The following CEACAM8 variants were observed in gnomAD, a reference collection of about 807,000 sequenced individuals.
The protein encoded by CEACAM8 is cell adhesion molecule CEACAM8.
A neutral mutation model predicts 33.4 loss-of-function variants in CEACAM8; 31 were observed. The ratio of observed to expected loss-of-function variants is 0.93; its 90% confidence interval spans 0.70 to 1.25. The LOEUF (loss-of-function observed/expected upper bound fraction) is 1.25. Ranked by LOEUF, CEACAM8 falls within the 50% of genes most tolerant of loss-of-function variation. The probability of loss-of-function intolerance (pLI) is 0.00; values close to 1 mark genes in which losing one functional copy is unlikely to be tolerated. For missense variants in CEACAM8, 388 were observed against 434.6 expected (o/e 0.89, Z 0.95); for synonymous variants, 138 against 164.5 (o/e 0.84, Z 1.23).
chr19:42,591,730 G>A (rs1281621102), intron 2 of CEACAM8, among the ~76,000 whole-genome samples: 1 of 152,206 alleles, frequency 6.6e-6, no homozygotes, highest in East Asian at 1.9e-4. Flanking sequence ...ACAGATGTGT[G>A]TGGAACAGGC....
intron 2 of CEACAM8, among the ~76,000 whole-genome samples, chr19:42,591,508 C>A (rs1225045772): frequency 6.6e-6 from 1 of 152,196 alleles, no homozygotes; most frequent in Non-Finnish European, 1.5e-5. Context: ...AAGCTTCCTG[C>A]CCCTAATTCC....
At chr19:42,593,463 A>G in intron 2 of CEACAM8, 78 bp downstream of exon 2, 1 of 1,506,816 alleles carries the variant, frequency 6.6e-7, no homozygotes, top group South Asian at 1.3e-5. Context: ...GGACATGGGC[A>G]CAGCCCAGGC....
At chr19:42,581,688 G>A (rs941213078) in intron 5 of CEACAM8, among the ~76,000 whole-genome samples, 1 of 150,762 alleles carries the variant, frequency 6.6e-6, no homozygotes, top group Admixed American at 6.6e-5. Flanking sequence ...TCATGAGATC[G>A]AGACCAGCCT....
intron 4 of CEACAM8, among the ~76,000 whole-genome samples, chr19:42,588,550 C>T (rs368273022): frequency 2.6e-5 from 4 of 152,102 alleles, no homozygotes; most frequent in African/African-American, 4.8e-5. Context: ...CTGGGGCTGA[C>T]GAAGGCCCCT....
At chr19:42,589,135 CA>C in intron 3 of CEACAM8, 97 bp from the exon 4 acceptor site, 1 of 1,466,102 alleles carries the variant, frequency 6.8e-7, no homozygotes. Flanking sequence ...AGCCAAGTCA[CA>C]AACCTGAGCC....
chr19:42,593,508 C>G (rs770661147), intron 2 of CEACAM8, 33 bp downstream of exon 2: 20 of 1,538,538 alleles, frequency 1.3e-5, no homozygotes, highest in Non-Finnish European at 1.8e-5. Flanking sequence ...AGAACTGACC[C>G]CCAACACCCA....
intron 4 of CEACAM8, among the ~76,000 whole-genome samples, chr19:42,586,315 A>T (rs576116937): frequency 6.6e-6 from 1 of 152,324 alleles, no homozygotes. Context: ...TGAAAAAAAA[A>T]TGCTGAATCC....
intron 4 of CEACAM8, among the ~76,000 whole-genome samples, chr19:42,588,567 G>A (rs1048599966): frequency 6.6e-5 from 10 of 152,114 alleles, no homozygotes; most frequent in African/African-American, 1.9e-4. Flanking sequence ...CCCTCTCCAC[G>A]TTTCTCAGGT....
chr19:42,594,163 C>T (rs975913660), intron 1 of CEACAM8, among the ~76,000 whole-genome samples: 7 of 152,186 alleles, frequency 4.6e-5, no homozygotes, highest in Admixed American at 3.9e-4. Flanking sequence ...CCTTGGGAGA[C>T]CCTTTCTCTG....
intron 4 of CEACAM8, among the ~76,000 whole-genome samples, chr19:42,585,161 G>A (rs1379654174): frequency 1.3e-5 from 2 of 152,072 alleles, no homozygotes; most frequent in Non-Finnish European, 2.9e-5. Context: ...AGCTGGGCAT[G>A]ATGGTATGCA....
At chr19:42,586,537 G>A (rs1374868776) in intron 4 of CEACAM8, among the ~76,000 whole-genome samples, 1 of 152,188 alleles carries the variant, frequency 6.6e-6, no homozygotes, top group Non-Finnish European at 1.5e-5. Context: ...AATCCATGCA[G>A]AAAGATGAGC....
chr19:42,586,769 A>C (rs939093624), intron 4 of CEACAM8, among the ~76,000 whole-genome samples: 3 of 152,236 alleles, frequency 2.0e-5, no homozygotes, highest in Admixed American at 2.0e-4. Flanking sequence ...TTTATATATC[A>C]AAGAACATTG....
At position 42,594,757 on chromosome 19, in the gene CEACAM8, C is replaced by T. The variant is rs1333676356; in HGVS notation, c.64+8G>A. ...CTCCTGTCCTTTCCCAGGAAGTCCTCTCCTCACCTGTGAGCAGGAGCCCCT... is the reference window on the plus strand; with the variant it reads ...CTCCTGTCCTTTCCCAGGAAGTCCTTTCCTCACCTGTGAGCAGGAGCCCCT... On this transcript the variant is annotated splice_region_variant and intron_variant, in intron 1 of 5. Transcript: ENST00000244336. 6.2e-7 allele frequency: 1 copy of T among 1,607,522 alleles called. No homozygotes were observed. The highest frequency in any genetic ancestry group is 8.5e-7 in the Non-Finnish European group (1 of 1,175,544).
intron 3 of CEACAM8, 50 bp from the exon 4 acceptor site, chr19:42,589,088 A>G: frequency 6.4e-7 from 1 of 1,574,126 alleles, no homozygotes; most frequent in South Asian, 1.2e-5. Context: ...GGGAAGGGGA[A>G]GCTCCTGGTC....
chr19:42,593,907 G>A lies in CEACAM8; in HGVS notation c.65-7C>T, dbSNP rs770327925. 1 of 1,568,346 alleles carries A rather than the reference G, an allele frequency of 6.4e-7. No homozygotes were observed. Among genetic ancestry groups the A allele is most frequent in the Non-Finnish European group, 8.6e-7 (1 of 1,156,430 alleles). ...CAGAAGGTGAAAAGTGAGGCTAGGA[G>A]GGGGAGAGAGCATCAAGCAATATTG... On this transcript the variant is annotated splice_region_variant and splice_polypyrimidine_tract_variant and intron_variant, in intron 1 of 5. Coordinates refer to ENST00000244336, the MANE Select transcript of CEACAM8 (RefSeq NM_001816.4).
Position 42,588,946 on chromosome 19 carries a change from G to T in CEACAM8, c.796C>A (p.Pro266Thr). 6.2e-7 allele frequency: 1 copy of T among 1,614,184 alleles called. No homozygotes were observed. Among genetic ancestry groups the T allele is most frequent in the Non-Finnish European group, 8.5e-7 (1 of 1,180,014 alleles). The change falls in exon 4 of 6, where the codon CCC (proline) becomes ACC (threonine). Residue 266 changes from proline to threonine, a missense_variant. Physicochemically the swap from Pro to Thr is conservative, Grantham distance 38. Transcript: ENST00000244336. ...NLSCHAASNP[P>T]SQYSWSVNGT... is the part of the protein sequence containing the mutation. Reference sequence around the variant, plus strand: ...TTGACAGACCAAGAATACTGTGAGGGTGGATTAGAGGCCGCATGGCAGGAG... The same window carrying T: ...TTGACAGACCAAGAATACTGTGAGGTTGGATTAGAGGCCGCATGGCAGGAG...
At chr19:42,582,920 A>C (rs1293318766) in intron 5 of CEACAM8, among the ~76,000 whole-genome samples, 1 of 152,184 alleles carries the variant, frequency 6.6e-6, no homozygotes, top group Non-Finnish European at 1.5e-5. Context: ...GGTCTATGGG[A>C]ATGGATAAAA....
At chr19:42,593,990 T>C in intron 1 of CEACAM8, 90 bp from the exon 2 acceptor site, 1 of 1,249,438 alleles carries the variant, frequency 8.0e-7, no homozygotes, top group South Asian at 1.4e-5. Context: ...TGTGTGTTTT[T>C]ATGTGTGTGT....
intron 2 of CEACAM8, among the ~76,000 whole-genome samples, chr19:42,593,270 C>G (rs557716857): frequency 6.6e-6 from 1 of 152,172 alleles, no homozygotes; most frequent in African/African-American, 2.4e-5. Context: ...GGGGAGGGCA[C>G]GGGGTGCCTG....
Sources: allele counts gnomAD v4.1 joint callset (sites outside exome capture counted in the v4.1 genomes callset), GRCh38; gene constraint gnomAD v4.1.1; transcripts MANE v1.5; gene names NCBI Gene and HGNC (gene_info 2026-07-23, HGNC 2026-07-21).